The following CSMD1 variants were observed in gnomAD, a reference collection of about 807,000 sequenced individuals.
The protein encoded by CSMD1 is CUB and Sushi multiple domains 1.
CSMD1 carries 213 observed loss-of-function variants against 417.5 expected under a neutral mutation model. The ratio of observed to expected loss-of-function variants is 0.51; its 90% CI spans 0.46 to 0.57. The LOEUF (loss-of-function observed/expected upper bound fraction) is 0.57. Among genes scored for constraint, CSMD1 ranks in the 20% least tolerant of loss-of-function variants. The pLI, the probability that CSMD1 is intolerant of heterozygous loss-of-function variation, is 0.00. For synonymous variants in CSMD1, 2,862 were observed against 1,736.8 expected (o/e 1.65, Z -16.11); for missense variants, 6,923 against 4,529.7 (o/e 1.53, Z -15.17).
At chr8:2,986,629 C>A (rs995271057) in intron 54 of CSMD1, among the ~76,000 whole-genome samples, 3 of 152,032 alleles carry the variant, frequency 2.0e-5, no homozygotes, top group Admixed American at 6.6e-5. Flanking sequence ...CTCAGTCTCC[C>A]GAGTAGGTGG....
At chr8:4,143,812 T>A (rs1384148673) in intron 3 of CSMD1, among the ~76,000 whole-genome samples, 1 of 151,310 alleles carries the variant, frequency 6.6e-6, no homozygotes, top group African/African-American at 2.5e-5. Flanking sequence ...TTCCAGGGCC[T>A]AGTTACACAG....
chr8:4,698,136 T>G lies in CSMD1; in HGVS notation c.86-60578A>C, dbSNP rs1465588358. On this transcript the variant is annotated intron_variant, in intron 1 of 69. Coordinates refer to ENST00000635120, the MANE Select transcript of CSMD1 (RefSeq NM_033225.6). ...GAACACTTTTGCTTTGAATACTGGG[T>G]TTTTTTTTTTTTTTTGGAATTGAAC... Among the ~76,000 whole-genome samples, 3 of 13,730 alleles carry G rather than the reference T, an allele frequency of 2.2e-4. No homozygotes were observed. The African/African-American group carries it at 6.8e-3, about 31-fold the overall frequency. 9.0% of individuals were successfully genotyped at this position (13,730 alleles called of 152,430 possible).
rs985500766 is a variant in CSMD1, at chr8:4,626,852, G to A, written c.302+10490C>T. Among the ~76,000 whole-genome samples, 4 of 152,224 alleles carry A rather than the reference G, an allele frequency of 2.6e-5. No individual in the cohort carries two copies. In the South Asian group the frequency reaches 6.2e-4, roughly 24 times the overall value. Reference sequence around the variant, plus strand: ...CAGGTTCTAAGACATAAGCAAGAACGATATAAGCAAGAAGAAAATCAAGTG... The same window carrying A: ...CAGGTTCTAAGACATAAGCAAGAACAATATAAGCAAGAAGAAAATCAAGTG... On this transcript the variant is annotated intron_variant, in intron 2 of 69. Transcript: ENST00000635120.
At chr8:3,774,892 C>G (rs1387700898) in intron 5 of CSMD1, among the ~76,000 whole-genome samples, 4 of 152,028 alleles carry the variant, frequency 2.6e-5, no homozygotes, top group African/African-American at 2.4e-5. Context: ...CATATGTACA[C>G]AATGTCTTTT....
At chr8:4,348,746 G>C (rs936542156) in intron 3 of CSMD1, among the ~76,000 whole-genome samples, 4 of 152,102 alleles carry the variant, frequency 2.6e-5, no homozygotes, top group African/African-American at 9.7e-5. Flanking sequence ...AAGACCGTGA[G>C]TTAAAATTGT....
intron 2 of CSMD1, among the ~76,000 whole-genome samples, chr8:4,588,951 T>C (rs557809133): frequency 6.6e-6 from 1 of 152,154 alleles, no homozygotes; most frequent in Non-Finnish European, 1.5e-5. Context: ...TGCCTTTAAG[T>C]ATAGTAGAGC....
At chr8:2,974,376 A>G in intron 56 of CSMD1, 75 bp downstream of exon 56, 1 of 1,311,936 alleles carries the variant, frequency 7.6e-7, no homozygotes, top group South Asian at 1.8e-5. Flanking sequence ...ACTGTAAATC[A>G]TCATTATTTG....
At chr8:3,348,264 G>T in intron 21 of CSMD1, 103 bp from the exon 22 acceptor site, 1 of 796,048 alleles carries the variant, frequency 1.3e-6, no homozygotes, top group Non-Finnish European at 2.0e-6. Context: ...TTCTATCAAC[G>T]TATGTGTGTT....
chr8:4,008,005 C>T (rs1816260648), intron 4 of CSMD1, among the ~76,000 whole-genome samples: 1 of 152,100 alleles, frequency 6.6e-6, no homozygotes, highest in Non-Finnish European at 1.5e-5. Flanking sequence ...TGTAGCAATC[C>T]ATAAGAGGTT....
chr8:4,311,528 GC>G (rs1798570144), intron 3 of CSMD1, among the ~76,000 whole-genome samples: 1 of 152,080 alleles, frequency 6.6e-6, no homozygotes, highest in African/African-American at 2.4e-5. Flanking sequence ...TTCGAGACCA[GC>G]CTGACCAATA....
At chr8:3,294,048 A>G (rs1243609364) in intron 25 of CSMD1, among the ~76,000 whole-genome samples, 1 of 152,188 alleles carries the variant, frequency 6.6e-6, no homozygotes, top group Non-Finnish European at 1.5e-5. Context: ...TCTAACAGTC[A>G]GGACCCTCAG....
chr8:3,548,082 G>C (rs1563142365), intron 10 of CSMD1, among the ~76,000 whole-genome samples: 2 of 152,068 alleles, frequency 1.3e-5, no homozygotes, highest in East Asian at 3.9e-4. Context: ...AAAATAAATA[G>C]GTCCACCAAA....
At chr8:3,249,520 G>A (rs527383020) in intron 26 of CSMD1, among the ~76,000 whole-genome samples, 3 of 152,204 alleles carry the variant, frequency 2.0e-5, no homozygotes, top group Middle Eastern at 6.8e-3. Context: ...CATGGCACCC[G>A]GCCTGTGAGA....
At chr8:4,418,766 G>T (rs1797087383) in intron 3 of CSMD1, among the ~76,000 whole-genome samples, 1 of 120,186 alleles carries the variant, frequency 8.3e-6, no homozygotes. Flanking sequence ...CAATTAGCCT[G>T]CTGCTTTCCA....
At chr8:3,956,465 A>T (rs1488098279) in intron 5 of CSMD1, among the ~76,000 whole-genome samples, 1 of 152,216 alleles carries the variant, frequency 6.6e-6, no homozygotes, top group African/African-American at 2.4e-5. Context: ...TGAGTTTCAT[A>T]ATCATCCACG....
At chr8:4,147,977 G>A (rs1463609804) in intron 3 of CSMD1, among the ~76,000 whole-genome samples, 1 of 152,118 alleles carries the variant, frequency 6.6e-6, no homozygotes, top group South Asian at 2.1e-4. Flanking sequence ...CCAAAGCCCT[G>A]AGTAGAGGTT....
chr8:4,475,861 C>T (rs1800775967), intron 2 of CSMD1, among the ~76,000 whole-genome samples: 1 of 152,116 alleles, frequency 6.6e-6, no homozygotes, highest in Non-Finnish European at 1.5e-5. Flanking sequence ...GATCCACCTG[C>T]CTTACGCTCC....
chr8:4,673,664 C>T (rs959557714), intron 1 of CSMD1, among the ~76,000 whole-genome samples: 1 of 152,178 alleles, frequency 6.6e-6, no homozygotes, highest in African/African-American at 2.4e-5. Flanking sequence ...TACATCAACT[C>T]TGCTAATGCT....
chr8:4,089,192 C>T (rs1164773737), intron 3 of CSMD1, among the ~76,000 whole-genome samples: 1 of 152,180 alleles, frequency 6.6e-6, no homozygotes, highest in Non-Finnish European at 1.5e-5. Context: ...ATCTGTTTGG[C>T]TGCCTGCCTT....
Sources: gnomAD v4.1 joint callset for allele counts (sites outside exome capture counted in the v4.1 genomes callset) on GRCh38, gnomAD v4.1.1 for gene constraint, MANE v1.5 for transcripts, NCBI Gene and HGNC (gene_info 2026-07-23, HGNC 2026-07-21) for gene names.